Variants in SPG7 observed in about 807,000 individuals in gnomAD.
SPG7 encodes the protein SPG7 matrix AAA peptidase subunit, paraplegin, also known as mitochondrial inner membrane m-AAA protease component paraplegin.
Under a neutral mutation model 81.9 loss-of-function variants are expected in SPG7, and 103 were observed. The ratio of observed to expected loss-of-function variants is 1.26; its 90% confidence interval spans 1.07 to 1.48. The LOEUF (loss-of-function observed/expected upper bound fraction) is 1.48. Ranked by LOEUF, SPG7 falls within the 40% of genes most tolerant of loss-of-function variation. The probability of loss-of-function intolerance (pLI) is 0.00; values close to 1 mark genes in which losing one functional copy is unlikely to be tolerated. For synonymous variants in SPG7, 534 were observed against 444.2 expected, an observed-to-expected ratio of 1.20 and a Z score of -2.54; for missense variants, 1,241 against 1,087.3, an observed-to-expected ratio of 1.14 and a Z score of -1.99.
chr16:89,542,335 C>T (rs1281683156), intron 9 of SPG7: 1 of 152,254 alleles, frequency 6.6e-6, no homozygotes, highest in Non-Finnish European at 1.5e-5. Context: ...GGGTCCCAGT[C>T]CCCACCCTCC....
chr16:89,540,351 C>CT (rs2058479018), intron 9 of SPG7: 1 of 152,116 alleles, frequency 6.6e-6, no homozygotes, highest in Non-Finnish European at 1.5e-5. Context: ...TTTTGCGCGT[C>CT]TGAGTTGGAA....
intron 9 of SPG7, chr16:89,537,482 C>T: frequency 1.0e-6 from 1 of 1,003,450 alleles, no homozygotes; most frequent in Non-Finnish European, 1.2e-6. Flanking sequence ...GACGACGGCC[C>T]CTGACGTGCA....
At chr16:89,536,779 C>G in intron 9 of SPG7, 1 of 1,614,062 alleles carries the variant, frequency 6.2e-7, no homozygotes, top group South Asian at 1.1e-5. Context: ...CTCTCTTGAC[C>G]AGCTACCCTC....
chr16:89,516,384 A>C (rs538244291), intron 3 of SPG7, among the ~76,000 whole-genome samples: 2 of 151,808 alleles, frequency 1.3e-5, no homozygotes, highest in Non-Finnish European at 2.9e-5. Context: ...TCTACTAAAA[A>C]TACCAAAAAA....
chr16:89,529,782 C>A, intron 6 of SPG7: 1 of 636,706 alleles, frequency 1.6e-6, no homozygotes, highest in Admixed American at 2.2e-5. Context: ...GGGCCTCTCA[C>A]CCCTAACTCT....
rs1215051648 is a variant in SPG7 at position 89,512,954 on chromosome 16, C to G, written c.293C>G (p.Thr98Ser). 1 of 1,613,210 alleles carries G rather than the reference C, an allele frequency of 6.2e-7. No individual in the cohort carries two copies. The highest frequency in any genetic ancestry group is 1.7e-5 in the Admixed American group (1 of 59,986). ...PVRLWQLLGG[T>S]FYFNTSRLKQ... The stretch of plus-strand genomic sequence containing the variant: ...CTTTCTCTATTTCTCATAGGTGGTA[C>G]TTTCTATTTTAACACCTCAAGGTTG... Residue 98 changes from threonine to serine, a missense_variant, in exon 3 of 17, where the codon ACT (threonine) becomes AGT (serine). Physicochemically the swap from Thr to Ser is moderately conservative, Grantham distance 58. Coordinates refer to ENST00000645818, the MANE Select transcript of SPG7 (RefSeq NM_003119.4).
chr16:89,542,273 C>T (rs1414638717), intron 9 of SPG7: 4 of 152,266 alleles, frequency 2.6e-5, no homozygotes, highest in African/African-American at 9.6e-5. Flanking sequence ...CTCCACGACA[C>T]TGAGCAGTAA....
intron 9 of SPG7, among the ~76,000 whole-genome samples, chr16:89,542,567 C>G (rs1249537862): frequency 6.6e-6 from 1 of 152,212 alleles, no homozygotes; most frequent in Non-Finnish European, 1.5e-5. Flanking sequence ...ATGGTTGTGT[C>G]TTTCAAAGTT....
intron 11 of SPG7, 55 bp from the exon 12 acceptor site, chr16:89,547,948 T>G (rs1026383591): frequency 5.9e-6 from 8 of 1,360,906 alleles, no homozygotes; most frequent in Non-Finnish European, 7.4e-6. Context: ...TTCCTCCTCT[T>G]AAGCCCTGAT....
In SPG7 at chr16:89,526,415, C is replaced by A. The variant is rs115244515; in HGVS notation, c.705C>A (p.Ile235=). ...GAGCAGCTGAAGATGAGCTGAATAT[C>A]GAGGCCAAGGACAGGATCCCAGTTT... ...KLRAAEDELN[I]EAKDRIPVSY... The change falls in exon 5 of 17, where the codon ATC becomes ATA. Residue 235 remains isoleucine, a synonymous_variant. Coordinates refer to ENST00000645818, the MANE Select transcript of SPG7 (RefSeq NM_003119.4). The A allele has an allele frequency of 6.2e-7, 1 of 1,613,986 alleles. No individual in the cohort carries two copies. Among genetic ancestry groups the A allele is most frequent in the Non-Finnish European group, 8.5e-7 (1 of 1,180,008 alleles).
intron 3 of SPG7, chr16:89,518,672 C>T (rs953331670): frequency 2.6e-5 from 4 of 152,092 alleles, no homozygotes; most frequent in African/African-American, 9.7e-5. Context: ...GAAAAAAGGC[C>T]GAGCTGAAAG....
chr16:89,556,610 T>C, intron 16 of SPG7: 1 of 472,630 alleles, frequency 2.1e-6, no homozygotes, highest in South Asian at 2.1e-5. Context: ...ACACGTCTTG[T>C]TTGGTGAAAG....
chr16:89,554,619 C>G (rs1408632451), intron 16 of SPG7, 56 bp downstream of exon 16: 5 of 1,134,972 alleles, frequency 4.4e-6, no homozygotes, highest in Non-Finnish European at 6.6e-6. Context: ...CACACAGCAC[C>G]CACGGTCCCC....
In SPG7 at chr16:89,548,871, G is replaced by C. The variant is rs527243255; in HGVS notation, c.1663+758G>C. On this transcript the variant is annotated intron_variant, in intron 12 of 16. Transcript: ENST00000645818. Reference sequence around the variant, plus strand: ...ACGTTTGAAAAGGGAAGTGGTTCTTGCCCCAGGTGTTTGAGGAGCACGAGC... The same window carrying C: ...ACGTTTGAAAAGGGAAGTGGTTCTTCCCCCAGGTGTTTGAGGAGCACGAGC... 653 of 446,050 alleles carry C rather than the reference G, an allele frequency of 1.5e-3. 1 individual carries two copies. Among genetic ancestry groups the C allele is most frequent in the Non-Finnish European group, 2.4e-3 (530 of 220,214 alleles). 27.6% of individuals were successfully genotyped at this position (446,050 alleles called of 1,614,324 possible). A position where few individuals can be genotyped will look rare whatever the true frequency, so the allele number is the denominator to read the frequency against.
intron 9 of SPG7, chr16:89,537,046 C>G: frequency 6.3e-7 from 1 of 1,597,782 alleles, no homozygotes; most frequent in South Asian, 1.1e-5. Context: ...TGGGAATCCG[C>G]TGACTGAAGG....
intron 8 of SPG7, 152 bp from the exon 9 acceptor site, chr16:89,532,311 C>T: frequency 3.8e-6 from 4 of 1,039,852 alleles, no homozygotes; most frequent in Non-Finnish European, 5.7e-6. Context: ...TGGCCAGGGG[C>T]CCCCGCGAGC....
At chr16:89,541,788 C>G (rs1049954697) in intron 9 of SPG7, 4 of 152,204 alleles carry the variant, frequency 2.6e-5, no homozygotes, top group African/African-American at 9.7e-5. Flanking sequence ...CCAGAAAGTC[C>G]GTATCCTGAA....
intron 7 of SPG7, chr16:89,531,079 C>G: frequency 1.8e-6 from 1 of 555,316 alleles, no homozygotes; most frequent in Non-Finnish European, 3.3e-6. Context: ...CCTTGCAAAG[C>G]TCTGTGCTTT....
At chr16:89,509,752 T>C (rs1236991054) in intron 1 of SPG7, among the ~76,000 whole-genome samples, 2 of 151,524 alleles carry the variant, frequency 1.3e-5, no homozygotes, top group African/African-American at 4.8e-5. Context: ...GGCCATGGGA[T>C]AGCAGCCAAT....
Sources: allele counts gnomAD v4.1 joint callset (sites outside exome capture counted in the v4.1 genomes callset), GRCh38; gene constraint gnomAD v4.1.1; transcripts MANE v1.5; gene names NCBI Gene and HGNC (gene_info 2026-07-23, HGNC 2026-07-21).